Variants in CNNM1 observed in about 807,000 individuals in gnomAD.
The protein encoded by CNNM1 is cyclin and CBS domain divalent metal cation transport mediator 1.
A neutral mutation model predicts 78.8 loss-of-function variants in CNNM1; 44 were observed. The observed-to-expected ratio is 0.56, with a 90% CI of 0.44 to 0.72. CNNM1 has a LOEUF of 0.72. CNNM1 is among the 30% of genes least tolerant of loss of function. The pLI, the probability that CNNM1 is intolerant of heterozygous loss-of-function variation, is 0.00. For missense variants in CNNM1, 1,101 were observed against 1,292.2 expected (o/e 0.85, Z 2.27); for synonymous variants, 584 against 581.5 (o/e 1.00, Z -0.06).
chr10:99,368,616 A>T, intron 6 of CNNM1: 1 of 1,289,474 alleles, frequency 7.8e-7, no homozygotes, highest in African/African-American at 1.5e-5. Context: ...CTGACTCTTT[A>T]GTGCCTGTCT....
At chr10:99,387,729 C>A in intron 7 of CNNM1, 91 bp from the exon 8 acceptor site, 1 of 1,329,050 alleles carries the variant, frequency 7.5e-7, no homozygotes, top group South Asian at 1.5e-5. Flanking sequence ...TCCAAGCACC[C>A]CAGCGAGGCT....
chr10:99,383,594 G>A (rs1242203449), intron 7 of CNNM1, among the ~76,000 whole-genome samples: 1 of 152,198 alleles, frequency 6.6e-6, no homozygotes, highest in East Asian at 1.9e-4. Flanking sequence ...ATTGGCTGGA[G>A]AATGTACTTT....
chr10:99,343,353 AT>A, intron 1 of CNNM1, among the ~76,000 whole-genome samples: 1 of 152,340 alleles, frequency 6.6e-6, no homozygotes, highest in Middle Eastern at 3.4e-3. Flanking sequence ...CAAAGGCGTT[AT>A]GTTTATTTAT....
At chr10:99,342,083 A>G (rs1217547838) in intron 1 of CNNM1, among the ~76,000 whole-genome samples, 1 of 152,242 alleles carries the variant, frequency 6.6e-6, no homozygotes, top group East Asian at 1.9e-4. Flanking sequence ...CTTCCTGTGT[A>G]TATCTCACTT....
chr10:99,345,882 T>TGGGG lies in CNNM1; in HGVS notation c.1574-11628_1574-11625dup, dbSNP rs1208966287. ...AATTTAAAAAAATTTTTTTAAGAGA[T>TGGGG]GGGGGTCTTACCATGTTGCCCAGGG... On this transcript the variant is annotated intron_variant, in intron 1 of 10. Coordinates refer to ENST00000356713, the MANE Select transcript of CNNM1 (RefSeq NM_020348.3). Among the ~76,000 whole-genome samples the TGGGG allele has an allele frequency of 2.0e-5, 3 of 152,254 alleles. No individual in the cohort carries two copies. The East Asian group carries it at 5.8e-4, about 29-fold the overall frequency.
chr10:99,386,683 C>T (rs2032316551), intron 7 of CNNM1, among the ~76,000 whole-genome samples: 1 of 152,182 alleles, frequency 6.6e-6, no homozygotes, highest in African/African-American at 2.4e-5. Flanking sequence ...TGCGTCTTGT[C>T]AGTAGTTGAC....
intron 1 of CNNM1, among the ~76,000 whole-genome samples, chr10:99,340,227 C>A (rs1014595168): frequency 1.3e-5 from 2 of 152,004 alleles, no homozygotes; most frequent in South Asian, 4.1e-4. Context: ...TTTTTCCAGC[C>A]TGGCAAAAGA....
At chr10:99,335,112 C>T (rs1039969900) in intron 1 of CNNM1, among the ~76,000 whole-genome samples, 4 of 152,232 alleles carry the variant, frequency 2.6e-5, no homozygotes, top group African/African-American at 9.6e-5. Context: ...GATTGCTGCC[C>T]ATGGCTGATT....
intron 1 of CNNM1, among the ~76,000 whole-genome samples, chr10:99,356,554 C>CAGAAAGAAAGAAAGAAAGAA (rs1189884919): frequency 9.0e-5 from 4 of 44,492 alleles, no homozygotes; most frequent in African/African-American, 1.5e-4. Flanking sequence ...GACAGACAGA[C>CAGAAAGAAAGAAAGAAAGAA]AGACAGACAG....
At chr10:99,364,388 A>C in intron 4 of CNNM1, 29 bp from the exon 5 acceptor site, 1 of 1,541,538 alleles carries the variant, frequency 6.5e-7, no homozygotes, top group Non-Finnish European at 8.9e-7. Flanking sequence ...ATACACATTC[A>C]TAGTACACTT....
At chr10:99,370,889 T>C (rs2031778986) in intron 6 of CNNM1, among the ~76,000 whole-genome samples, 1 of 152,200 alleles carries the variant, frequency 6.6e-6, no homozygotes, top group African/African-American at 2.4e-5. Flanking sequence ...AGAATTGTCA[T>C]TGTCTGATTT....
intron 1 of CNNM1, among the ~76,000 whole-genome samples, chr10:99,347,960 A>G (rs1352451161): frequency 6.6e-6 from 1 of 150,418 alleles, no homozygotes; most frequent in East Asian, 2.0e-4. Flanking sequence ...CTCCCTCATC[A>G]CTATTCCCTG....
At chr10:99,374,837 T>C (rs2031914516) in intron 6 of CNNM1, among the ~76,000 whole-genome samples, 2 of 152,344 alleles carry the variant, frequency 1.3e-5, no homozygotes, top group East Asian at 1.9e-4. Flanking sequence ...TCTGCCCTCA[T>C]GGAATTAAAA....
Position 99,329,417 on chromosome 10 carries a change from G to C in CNNM1, c.30G>C (p.Ala10=), listed in dbSNP as rs1368803710. 1 of 965,526 alleles carries C rather than the reference G, an allele frequency of 1.0e-6. No individual in the cohort carries two copies. The highest frequency in any genetic ancestry group is 3.2e-5 in the Admixed American group (1 of 30,992). 59.8% of individuals were successfully genotyped at this position (965,526 alleles called of 1,614,324 possible). Residue 10 remains alanine (A), a synonymous_variant, in exon 1 of 11, where the codon GCG becomes GCC. Transcript: ENST00000356713. ...CGGCGGCCGCGGCGGCGGCAGCAGC[G>C]GTGGGTGTCAGGCTCCGGGACTGCT... is the stretch of plus-strand genomic sequence containing the variant. The part of the protein sequence containing the change: MAAAAAAAA[A]VGVRLRDCCS...
chr10:99,365,710 C>T (rs2031592854), intron 6 of CNNM1, among the ~76,000 whole-genome samples: 1 of 152,164 alleles, frequency 6.6e-6, no homozygotes. Context: ...AGATTTCTTT[C>T]TGATTCACAG....
intron 9 of CNNM1, among the ~76,000 whole-genome samples, chr10:99,388,610 T>C (rs1462160269): frequency 4.6e-5 from 7 of 152,192 alleles, no homozygotes; most frequent in African/African-American, 1.7e-4. Context: ...AACCTAAGAC[T>C]CAGTTTTTTT....
At chr10:99,379,014 G>C (rs2032059627) in intron 7 of CNNM1, among the ~76,000 whole-genome samples, 1 of 152,214 alleles carries the variant, frequency 6.6e-6, no homozygotes, top group Non-Finnish European at 1.5e-5. Context: ...GCTCCTCATA[G>C]CTTCCAGAAG....
At position 99,364,406 on chromosome 10, in the gene CNNM1, T is replaced by C; in HGVS notation, c.2029-11T>C. The C allele has an allele frequency of 1.9e-6, 3 of 1,601,770 alleles. No individual in the cohort carries two copies. The highest frequency in any genetic ancestry group is 2.6e-6 in the Non-Finnish European group (3 of 1,173,932). ...CACATTCATAGTACACTTCCTTTTT[T>C]TTTTTTCCAGGGTAAAGTGGAGGTG... On this transcript the variant is annotated splice_polypyrimidine_tract_variant and intron_variant, in intron 4 of 10. Transcript: ENST00000356713.
chr10:99,368,739 T>G, intron 6 of CNNM1: 1 of 1,196,038 alleles, frequency 8.4e-7, no homozygotes, highest in South Asian at 1.3e-5. Context: ...CAAGAAGCCT[T>G]TGGCCTCTGT....
Sources: gnomAD v4.1 joint callset for allele counts (sites outside exome capture counted in the v4.1 genomes callset) on GRCh38, gnomAD v4.1.1 for gene constraint, MANE v1.5 for transcripts, NCBI Gene and HGNC (gene_info 2026-07-23, HGNC 2026-07-21) for gene names.